RSPH1: variants seen among roughly 807,000 people sequenced by gnomAD.
The protein encoded by RSPH1 is radial spoke head component 1.
RSPH1 carries 32 observed loss-of-function variants against 44.2 expected under a neutral mutation model. The observed-to-expected ratio is 0.72, with a 90% confidence interval of 0.55 to 0.97. The LOEUF is 0.97. Among genes scored for constraint, RSPH1 ranks in the 50% least tolerant of loss-of-function variants. The probability of loss-of-function intolerance (pLI) is 0.00; values close to 1 mark genes in which losing one functional copy is unlikely to be tolerated. For synonymous variants in RSPH1, 134 were observed against 147.3 expected, an observed-to-expected ratio of 0.91 and a Z score of 0.65; for missense variants, 391 against 398.7, an observed-to-expected ratio of 0.98 and a Z score of 0.16.
chr21:42,485,963 T>A, intron 4 of RSPH1, 159 bp from the exon 5 acceptor site: 1 of 883,944 alleles, frequency 1.1e-6, no homozygotes, highest in Non-Finnish European at 1.7e-6. Flanking sequence ...TGCCCCTTGC[T>A]CAGTGTGCCC....
chr21:42,475,480 A>AT (rs1185833467), intron 8 of RSPH1, among the ~76,000 whole-genome samples: 3 of 150,938 alleles, frequency 2.0e-5, no homozygotes, highest in African/African-American at 7.3e-5. Context: ...AGGCAGGGGA[A>AT]TTGCTTGAAC....
intron 1 of RSPH1, among the ~76,000 whole-genome samples, chr21:42,495,399 T>C (rs1048223178): frequency 6.6e-6 from 1 of 152,208 alleles, no homozygotes; most frequent in Non-Finnish European, 1.5e-5. Context: ...CTCTGTACTG[T>C]GCATGCAGAC....
chr21:42,488,335 G>T (rs530373129), intron 3 of RSPH1, among the ~76,000 whole-genome samples: 46 of 152,310 alleles, frequency 3.0e-4, no homozygotes, highest in African/African-American at 1.0e-3. Context: ...AGGTTCTGTG[G>T]TGTAAATACT....
At chr21:42,484,503 T>C (rs1009725740) in intron 5 of RSPH1, among the ~76,000 whole-genome samples, 2 of 152,266 alleles carry the variant, frequency 1.3e-5, no homozygotes, top group Non-Finnish European at 2.9e-5. Flanking sequence ...CTGTGTCAGA[T>C]GACTGTATTA....
At chr21:42,477,471 T>C (rs2054080069) in intron 6 of RSPH1, 27 bp from the exon 7 acceptor site, 2 of 1,603,490 alleles carry the variant, frequency 1.2e-6, no homozygotes, top group Middle Eastern at 1.7e-4. Context: ...AATGTACATT[T>C]ACCAACATTT....
chr21:42,480,633 T>A (rs1601628390), intron 6 of RSPH1, among the ~76,000 whole-genome samples: 1 of 71,980 alleles, frequency 1.4e-5, no homozygotes. Context: ...AGAGCGAAAC[T>A]CCATCTCAAA....
chr21:42,475,280 C>G (rs1039796359), intron 8 of RSPH1, among the ~76,000 whole-genome samples: 7 of 152,156 alleles, frequency 4.6e-5, no homozygotes, highest in African/African-American at 1.7e-4. Context: ...AAACCATACT[C>G]CTGTTAGTCA....
chr21:42,476,342 G>A, intron 7 of RSPH1, among the ~76,000 whole-genome samples: 1 of 152,190 alleles, frequency 6.6e-6, no homozygotes, highest in Non-Finnish European at 1.5e-5. Context: ...GTTCCTGAGA[G>A]TGCCAGCCAG....
chr21:42,494,860 C>T (rs1372779230), intron 1 of RSPH1, among the ~76,000 whole-genome samples: 2 of 151,962 alleles, frequency 1.3e-5, no homozygotes, highest in African/African-American at 2.4e-5. Context: ...CCACCATGCC[C>T]GGCTAATTTT....
At chr21:42,489,892 G>C (rs1030566415) in intron 3 of RSPH1, among the ~76,000 whole-genome samples, 5 of 152,074 alleles carry the variant, frequency 3.3e-5, no homozygotes, top group African/African-American at 1.2e-4. Flanking sequence ...CCATTCGGGG[G>C]CTTCCAAAAA....
chr21:42,480,470 G>A (rs543076934), intron 6 of RSPH1, among the ~76,000 whole-genome samples: 103 of 152,010 alleles, frequency 6.8e-4, no homozygotes, highest in African/African-American at 2.2e-3. Flanking sequence ...GAGAAACCCC[G>A]TCTCTACTAA....
rs897178213 is a variant in RSPH1, at chr21:42,474,981, C to T, written c.877+917G>A. Among the ~76,000 whole-genome samples, 2 of 152,200 alleles carry T rather than the reference C, an allele frequency of 1.3e-5. No homozygotes were observed. Among genetic ancestry groups the T allele is most frequent in the Non-Finnish European group, 2.9e-5 (2 of 68,028 alleles). Reference sequence around the variant, plus strand: ...GGACTGCAGACCCCGTGCCTGAGGCCGCCGTGCCCAGGCTGTTCCCAGATG... The same window carrying T: ...GGACTGCAGACCCCGTGCCTGAGGCTGCCGTGCCCAGGCTGTTCCCAGATG... On this transcript the variant is annotated intron_variant, in intron 8 of 8. Transcript: ENST00000291536. The surrounding 1 kb of genome is among the most constrained non-coding windows in gnomAD (Gnocchi z 5.2).
intron 2 of RSPH1, 51 bp from the exon 3 acceptor site, chr21:42,492,914 C>T (rs2054250146): frequency 6.3e-7 from 1 of 1,584,504 alleles, no homozygotes; most frequent in South Asian, 1.1e-5. Flanking sequence ...GTAGCATTTG[C>T]TAACAGAGTA....
At chr21:42,492,351 C>G (rs1214251328) in intron 3 of RSPH1, among the ~76,000 whole-genome samples, 1 of 152,238 alleles carries the variant, frequency 6.6e-6, no homozygotes, top group Non-Finnish European at 1.5e-5. Context: ...AGGAAACACT[C>G]GATCTGAAGA....
rs2054004866 is a variant in RSPH1 at position 42,472,753 on chromosome 21, A to G, written c.*65T>C. 9.6e-6 allele frequency: 12 copies of G among 1,253,956 alleles called. No homozygotes were observed. The South Asian group carries it at 1.4e-4, about 14-fold the overall frequency. The allele number at this position is 1,253,956 out of a possible 1,614,324, so 77.7% of individuals were successfully genotyped here. A position where few individuals can be genotyped will look rare whatever the true frequency, so the allele number is the denominator to read the frequency against. ...CAAGTAGCTGGAACTAGATACACACAGCACTGCACCCGGCTAACGACAGAA... is the reference window on the plus strand; with the variant it reads ...CAAGTAGCTGGAACTAGATACACACGGCACTGCACCCGGCTAACGACAGAA... On this transcript the variant is annotated 3_prime_UTR_variant, in exon 9 of 9. Transcript: ENST00000291536.
At chr21:42,485,952 G>T in intron 4 of RSPH1, 148 bp from the exon 5 acceptor site, 1 of 1,004,432 alleles carries the variant, frequency 1.0e-6, no homozygotes. Flanking sequence ...CAGTCAGAAG[G>T]TGCCCCTTGC....
At chr21:42,496,044 T>C in intron 1 of RSPH1, 89 bp downstream of exon 1, 2 of 1,475,412 alleles carry the variant, frequency 1.4e-6, no homozygotes, top group Admixed American at 3.4e-5. Context: ...GACCTCTGGT[T>C]TCTGCGCCTC....
chr21:42,474,657 C>T lies in RSPH1; in HGVS notation c.877+1241G>A, dbSNP rs945159768. Among the ~76,000 whole-genome samples, 2 of 152,246 alleles carry T rather than the reference C, an allele frequency of 1.3e-5. No individual in the cohort carries two copies. Among genetic ancestry groups the T allele is most frequent in the African/African-American group, 2.4e-5 (1 of 41,460 alleles). ...TACCTACCAGGGCTCACTCTATCCA[C>T]CCTCCCTGTGCAAGTCAGAGAAGCA... On this transcript the variant is annotated intron_variant, in intron 8 of 8. Coordinates refer to ENST00000291536, the MANE Select transcript of RSPH1 (RefSeq NM_080860.4). The surrounding 1 kb of genome is among the most constrained non-coding windows in gnomAD (Gnocchi z 5.2).
chr21:42,489,188 G>T (rs1056840102), intron 3 of RSPH1, among the ~76,000 whole-genome samples: 2 of 151,900 alleles, frequency 1.3e-5, no homozygotes, highest in African/African-American at 4.8e-5. Context: ...TGGTTGGCTG[G>T]TTCGTTGGTT....
Sources: gnomAD v4.1 joint callset for allele counts (sites outside exome capture counted in the v4.1 genomes callset) on GRCh38, gnomAD v4.1.1 for gene constraint, Gnocchi (gnomAD v3.1) non-coding constraint, MANE v1.5 for transcripts, NCBI Gene and HGNC (gene_info 2026-07-23, HGNC 2026-07-21) for gene names.